The following AGAP4 variants were observed in gnomAD, a reference collection of about 807,000 sequenced individuals.
The protein encoded by AGAP4 is ArfGAP with GTPase domain, ankyrin repeat and PH domain 4.
AGAP4 carries 13 observed loss-of-function variants against 60.7 expected under a neutral mutation model. The observed-to-expected ratio is 0.21, with a 90% confidence interval of 0.14 to 0.34. The LOEUF (loss-of-function observed/expected upper bound fraction) is 0.34. AGAP4 is among the 10% of genes least tolerant of loss of function. The pLI, the probability that AGAP4 is intolerant of heterozygous loss-of-function variation, is 1.00. For missense variants in AGAP4, 169 were observed against 884.0 expected (o/e 0.19, Z 10.26); for synonymous variants, 70 against 339.0 (o/e 0.21, Z 8.72).
chr10:45,849,411 C>A (rs2059053200), upstream of AGAP4, among the ~76,000 whole-genome samples: 1 of 151,408 alleles, frequency 6.6e-6, no homozygotes, highest in Non-Finnish European at 1.5e-5. Flanking sequence ...AAAACCATAT[C>A]AGAAAGTAAA....
In AGAP4 at chr10:45,825,660, A is replaced by G. The variant is rs2058632941; in HGVS notation, c.*255T>C. 1 of 482,344 alleles carries G rather than the reference A, an allele frequency of 2.1e-6. No homozygotes were observed. The allele number at this position is 482,344 out of a possible 1,614,324, so 29.9% of individuals were successfully genotyped here. On this transcript the variant is annotated 3_prime_UTR_variant, in exon 8 of 8. Transcript: ENST00000616763. ...ATTTTCACACATTTTATCTAAATAC[A>G]TAATACAGAAGCCTGTGTGACTTGG... is the stretch of plus-strand genomic sequence containing the variant.
chr10:45,843,905 T>G (rs2058959234), intron 3 of AGAP4, among the ~76,000 whole-genome samples: 1 of 150,140 alleles, frequency 6.7e-6, no homozygotes, highest in South Asian at 2.1e-4. Flanking sequence ...ATTCAATCCC[T>G]GATGATAAAC....
At chr10:45,841,803 A>T (rs2058923590) in intron 3 of AGAP4, 116 bp from the exon 4 acceptor site, 1 of 1,200,582 alleles carries the variant, frequency 8.3e-7, no homozygotes, top group Admixed American at 3.2e-5. Context: ...TCCATTAAAA[A>T]AAAAATTTTC....
At position 45,831,904 on chromosome 10, in the gene AGAP4, T is replaced by C. The variant is rs2058737638; in HGVS notation, c.498-475A>G. ...ACAAGTTTGTGCCACTATGCCCAGA[T>C]AATGTTTTTTTGGGGGGTGGGGTGG... On this transcript the variant is annotated intron_variant, in intron 5 of 7. Transcript: ENST00000616763. Among the ~76,000 whole-genome samples, 3 of 148,016 alleles carry C rather than the reference T, an allele frequency of 2.0e-5. 1 individual carries two copies. The highest frequency in any genetic ancestry group is 3.0e-5 in the Non-Finnish European group (2 of 66,708).
chr10:45,853,632 C>T (rs1476273122), intron 1 of AGAP4: 30 of 1,286,262 alleles, frequency 2.3e-5, no homozygotes, highest in Non-Finnish European at 2.9e-5. Context: ...AAAACACAGC[C>T]ATGGATCGGG....
intron 5 of AGAP4, among the ~76,000 whole-genome samples, 192 bp from the exon 6 acceptor site, chr10:45,831,621 G>C (rs1378677871): frequency 1.8e-3 from 226 of 124,480 alleles, no homozygotes; most frequent in Admixed American, 2.5e-3. Context: ...CAAAATGCAA[G>C]GAAATATGCC....
At chr10:45,847,083 C>G in intron 1 of AGAP4, 42 bp downstream of exon 1, 2 of 1,597,442 alleles carry the variant, frequency 1.3e-6, no homozygotes, top group African/African-American at 1.3e-5. Flanking sequence ...CAGTAGCAGC[C>G]AGAGGCAAAC....
At chr10:45,843,616 C>A (rs1327336809) in intron 3 of AGAP4, among the ~76,000 whole-genome samples, 3 of 125,090 alleles carry the variant, frequency 2.4e-5, no homozygotes, top group Non-Finnish European at 5.2e-5. Context: ...TACAAACTCC[C>A]GTGTTTTACT....
intron 4 of AGAP4, among the ~76,000 whole-genome samples, chr10:45,837,479 C>A (rs1294889486): frequency 2.0e-5 from 3 of 148,488 alleles, no homozygotes; most frequent in Admixed American, 2.0e-4. Context: ...TACTATAAGG[C>A]CATAGTCGCC....
chr10:45,835,917 C>T (rs1366375374), intron 4 of AGAP4, among the ~76,000 whole-genome samples: 1 of 151,930 alleles, frequency 6.6e-6, no homozygotes, highest in Admixed American at 6.6e-5. Context: ...AAAATAGAAA[C>T]AAACACTCTA....
intron 6 of AGAP4, among the ~76,000 whole-genome samples, chr10:45,828,321 TC>T (rs1412751428): frequency 6.7e-6 from 1 of 149,020 alleles, no homozygotes; most frequent in Admixed American, 6.7e-5. Flanking sequence ...GAGTATTGAC[TC>T]TCCCTAACAG....
At chr10:45,852,794 G>A (rs1159539961) in intron 1 of AGAP4, among the ~76,000 whole-genome samples, 1 of 152,100 alleles carries the variant, frequency 6.6e-6, no homozygotes, top group Non-Finnish European at 1.5e-5. Flanking sequence ...GCTACAATCT[G>A]CATTAATAGT....
Position 45,827,359 on chromosome 10 carries a change from T to C in AGAP4, c.617A>G (p.Asn206Ser), listed in dbSNP as rs1554896589. 5.0e-6 allele frequency: 8 copies of C among 1,596,202 alleles called. 2 individuals are homozygous for C. In the South Asian group the frequency reaches 8.9e-5, roughly 18 times the overall value. The change falls in exon 8 of 8, where the codon AAT (asparagine) becomes AGT (serine). Residue 206 changes from asparagine (N) to serine (S), a missense_variant. Transcript: ENST00000616763. Reference protein sequence around the residue: ...VSTVHIMKKRNGGGSLNNYSS... With the variant: ...VSTVHIMKKRSGGGSLNNYSS... The stretch of plus-strand genomic sequence containing the variant: ...ATAGTTATTTAAACTCCCACCTCCA[T>C]TTCTTTTCTTCATAATGTGCACGGT...
intron 5 of AGAP4, 40 bp from the exon 6 acceptor site, chr10:45,831,469 T>C: frequency 1.3e-6 from 2 of 1,585,656 alleles, no homozygotes; most frequent in Non-Finnish European, 8.5e-7. Context: ...GATGTTAACA[T>C]TTGTTAGGCC....
upstream of AGAP4, chr10:45,847,523 C>A (rs1375988806): frequency 1.3e-6 from 2 of 1,505,502 alleles, no homozygotes; most frequent in African/African-American, 1.7e-5. Flanking sequence ...CTGGCCCCGG[C>A]CCCGGCTAGG....
At chr10:45,837,998 A>G (rs1284640154) in intron 4 of AGAP4, among the ~76,000 whole-genome samples, 5 of 151,018 alleles carry the variant, frequency 3.3e-5, no homozygotes, top group Non-Finnish European at 7.4e-5. Flanking sequence ...GAGGAACTCA[A>G]ACAAATTACA....
intron 1 of AGAP4, among the ~76,000 whole-genome samples, chr10:45,852,542 C>A (rs1429177267): frequency 6.6e-6 from 1 of 151,420 alleles, no homozygotes; most frequent in African/African-American, 2.4e-5. Flanking sequence ...TATTTACAAA[C>A]TCTAACATAT....
chr10:45,830,294 T>G (rs1244176245), intron 6 of AGAP4, among the ~76,000 whole-genome samples: 3 of 138,526 alleles, frequency 2.2e-5, no homozygotes, highest in African/African-American at 8.0e-5. Flanking sequence ...TGCCTCAGCC[T>G]CCCAAGTAAC....
chr10:45,838,083 A>C (rs2135945506), intron 4 of AGAP4, among the ~76,000 whole-genome samples: 1 of 147,916 alleles, frequency 6.8e-6, no homozygotes, highest in South Asian at 2.1e-4. Context: ...ATACATACAT[A>C]TATATATATA....
Sources: allele counts gnomAD v4.1 joint callset (sites outside exome capture counted in the v4.1 genomes callset), GRCh38; gene constraint gnomAD v4.1.1; transcripts MANE v1.5; gene names NCBI Gene and HGNC (gene_info 2026-07-23, HGNC 2026-07-21).